DDX4: variants seen among roughly 807,000 people sequenced by gnomAD.
The protein encoded by DDX4 is probable ATP-dependent RNA helicase DDX4.
DDX4 carries 25 observed loss-of-function variants against 100.0 expected under a neutral mutation model. The ratio of observed to expected loss-of-function variants is 0.25; its 90% CI spans 0.18 to 0.35. The LOEUF (loss-of-function observed/expected upper bound fraction) is 0.35. Among genes scored for constraint, DDX4 ranks in the 10% least tolerant of loss-of-function variants. The pLI, the probability that DDX4 is intolerant of heterozygous loss-of-function variation, is 1.00. For synonymous variants in DDX4, 259 were observed against 275.7 expected (o/e 0.94, Z 0.60); for missense variants, 635 against 882.4 (o/e 0.72, Z 3.55).
intron 4 of DDX4, among the ~76,000 whole-genome samples, chr5:55,760,740 A>C (rs1740482064): frequency 6.6e-6 from 1 of 152,162 alleles, no homozygotes; most frequent in Non-Finnish European, 1.5e-5. Flanking sequence ...GGATTTTTAA[A>C]TTTTACTTTT....
intron 15 of DDX4, 135 bp from the exon 16 acceptor site, chr5:55,790,441 C>T (rs957069896): frequency 1.5e-6 from 1 of 659,040 alleles, no homozygotes; most frequent in African/African-American, 1.8e-5. Context: ...CCACTGCACC[C>T]AGCCAGAATT....
chr5:55,792,812 AG>A lies in DDX4; in HGVS notation c.1469+6del. On this transcript the variant is annotated splice_donor_region_variant and intron_variant, in intron 17 of 21. Coordinates refer to ENST00000505374, the MANE Select transcript of DDX4 (RefSeq NM_024415.3). ...TTTTCCAGAGGAAATTCAAAGGTTA[AG>A]TTTTTTTCTTAAAAATAATTTAATT... 7.2e-7 allele frequency: 1 copy of A among 1,385,038 alleles called. No individual in the cohort carries two copies. The allele number at this position is 1,385,038 out of a possible 1,614,324, so 85.8% of individuals were successfully genotyped here. A position where few individuals can be genotyped will look rare whatever the true frequency, so the allele number is the denominator to read the frequency against.
intron 18 of DDX4, among the ~76,000 whole-genome samples, chr5:55,801,633 G>C (rs1037580690): frequency 1.3e-5 from 2 of 152,104 alleles, no homozygotes; most frequent in African/African-American, 4.8e-5. Flanking sequence ...TAGTCTTGAT[G>C]ACAAGAAGTT....
chr5:55,773,720 G>A (rs888247466), intron 7 of DDX4, among the ~76,000 whole-genome samples: 4 of 152,002 alleles, frequency 2.6e-5, no homozygotes, highest in African/African-American at 4.8e-5. Context: ...AACCTCCTAG[G>A]CTCAAATAAT....
chr5:55,748,621 TG>T (rs1759373698), intron 3 of DDX4, among the ~76,000 whole-genome samples: 1 of 152,142 alleles, frequency 6.6e-6, no homozygotes, highest in African/African-American at 2.4e-5. Context: ...AAGTACTTTT[TG>T]TAGTTCTTCA....
intron 17 of DDX4, among the ~76,000 whole-genome samples, chr5:55,796,826 T>C (rs1159781639): frequency 5.8e-4 from 21 of 35,988 alleles, no homozygotes; most frequent in Non-Finnish European, 9.0e-4. Flanking sequence ...TTTCTTTCTT[T>C]TTTTTTTTTT....
At chr5:55,805,008 A>G (rs327259) in intron 18 of DDX4, among the ~76,000 whole-genome samples, 50,101 of 150,066 alleles carry the variant, frequency 0.33, 9,186 homozygotes, top group East Asian at 0.47. Context: ...TTGAGCAGTG[A>G]TTTGTAGTTC....
intron 7 of DDX4, 83 bp downstream of exon 7, chr5:55,768,023 A>C: frequency 8.0e-7 from 1 of 1,242,292 alleles, no homozygotes; most frequent in Non-Finnish European, 1.2e-6. Context: ...GCTGGATGAA[A>C]AACACTGATC....
At position 55,816,532 on chromosome 5, in the gene DDX4, T is replaced by C; in HGVS notation, c.2167T>C (p.Trp723Arg). The change falls in exon 22 of 22, where the codon TGG becomes CGG. Residue 723 changes from tryptophan (W) to arginine (R), a missense_variant. Around this residue, in one of 4 missense-constraint regions of DDX4, gnomAD observed 73 missense variants for 98.5 expected, o/e 0.74. Coordinates refer to ENST00000505374, the MANE Select transcript of DDX4 (RefSeq NM_024415.3). ...QAPNPVDDES[W>R]D is the part of the protein sequence containing the mutation. Reference sequence around the variant, plus strand: ...TCCCAATCCAGTAGATGATGAGTCATGGGATTAAAGCCAAAACATCCTTCA... The same window carrying C: ...TCCCAATCCAGTAGATGATGAGTCACGGGATTAAAGCCAAAACATCCTTCA... 6.2e-7 allele frequency: 1 copy of C among 1,613,158 alleles called. No homozygotes were observed. The highest frequency in any genetic ancestry group is 8.5e-7 in the Non-Finnish European group (1 of 1,179,586).
chr5:55,789,402 T>C (rs1384099711), intron 15 of DDX4, among the ~76,000 whole-genome samples: 1 of 152,198 alleles, frequency 6.6e-6, no homozygotes, highest in Non-Finnish European at 1.5e-5. Context: ...TCTGGTTTTA[T>C]TGTCAACCAG....
intron 3 of DDX4, among the ~76,000 whole-genome samples, chr5:55,749,008 A>C (rs1020019582): frequency 7.9e-5 from 12 of 152,248 alleles, no homozygotes; most frequent in African/African-American, 2.7e-4. Context: ...ATAGAAATGG[A>C]ATCGTGTTAT....
intron 7 of DDX4, among the ~76,000 whole-genome samples, chr5:55,769,257 T>C (rs7701960): frequency 0.069 from 10,457 of 152,214 alleles, 559 homozygotes; most frequent in African/African-American, 0.15. Context: ...AGGTTTTACA[T>C]GTTATTCTTT....
chr5:55,782,500 A>G (rs1741978883), intron 10 of DDX4, among the ~76,000 whole-genome samples: 1 of 151,988 alleles, frequency 6.6e-6, no homozygotes, highest in South Asian at 2.1e-4. Context: ...CAGGAGGCTA[A>G]GGCAGGAGAA....
At chr5:55,782,222 A>G in intron 10 of DDX4, 2 of 432,160 alleles carry the variant, frequency 4.6e-6, no homozygotes, top group Middle Eastern at 6.5e-4. Context: ...TATACTATAG[A>G]TGTATTTGGA....
At chr5:55,749,389 A>G (rs1226387200) in intron 3 of DDX4, among the ~76,000 whole-genome samples, 1 of 152,202 alleles carries the variant, frequency 6.6e-6, no homozygotes, top group Non-Finnish European at 1.5e-5. Context: ...CATTGATCAC[A>G]CTACTGCACT....
intron 10 of DDX4, among the ~76,000 whole-genome samples, chr5:55,784,983 C>G (rs1394062764): frequency 1.3e-5 from 2 of 152,184 alleles, no homozygotes; most frequent in Non-Finnish European, 2.9e-5. Context: ...CTAGCAACTA[C>G]TGAACTGGGA....
At chr5:55,802,015 T>C (rs533051425) in intron 18 of DDX4, among the ~76,000 whole-genome samples, 1 of 152,272 alleles carries the variant, frequency 6.6e-6, no homozygotes, top group East Asian at 1.9e-4. Context: ...CAGGTCAGCT[T>C]ATATGGGAGG....
At chr5:55,792,362 A>T (rs529530931) in intron 16 of DDX4, among the ~76,000 whole-genome samples, 83 of 148,672 alleles carry the variant, frequency 5.6e-4, no homozygotes, top group Non-Finnish European at 9.7e-4. Flanking sequence ...TTTTATTTTT[A>T]TTTTTTTCTT....
chr5:55,804,868 T>C (rs327260), intron 18 of DDX4, among the ~76,000 whole-genome samples: 16,600 of 152,086 alleles, frequency 0.11, 1,032 homozygotes, highest in Middle Eastern at 0.16. Flanking sequence ...AGAAAGGCAT[T>C]GGTAGCTTGA....
Sources: allele counts gnomAD v4.1 joint callset (sites outside exome capture counted in the v4.1 genomes callset), GRCh38; gene constraint gnomAD v4.1.1; regional missense constraint gnomAD v4.1.1; transcripts MANE v1.5; gene names NCBI Gene and HGNC (gene_info 2026-07-23, HGNC 2026-07-21).